Variants in TULP4 observed in about 807,000 individuals in gnomAD.
TULP4 encodes the protein TUB like protein 4, also known as tubby-related protein 4.
Under a neutral mutation model 129.0 loss-of-function variants are expected in TULP4, and 16 were observed. The observed-to-expected ratio is 0.12, with a 90% CI of 0.08 to 0.19. TULP4 has a LOEUF of 0.19. TULP4 is among the 10% of genes least tolerant of loss of function. The pLI is 1.00. For synonymous variants in TULP4, 998 were observed against 854.0 expected (o/e 1.17, Z -2.94); for missense variants, 1,842 against 2,059.1 (o/e 0.89, Z 2.04).
At chr6:158,250,167 T>C (rs1033020187) in intron 1 of TULP4, among the ~76,000 whole-genome samples, 3 of 151,590 alleles carry the variant, frequency 2.0e-5, no homozygotes, top group Non-Finnish European at 4.4e-5. Flanking sequence ...CTTTTTTTTT[T>C]TTTTGTTTTG....
Position 158,502,920 on chromosome 6 carries a change from C to T in TULP4, c.3257C>T (p.Ser1086Leu), listed in dbSNP as rs368742583. Residue 1086 changes from serine (S) to leucine (L), a missense_variant, in exon 13 of 14, where the codon TCG becomes TTG. By Grantham distance (145) the Ser-to-Leu change is moderately radical. This residue lies in a region of TULP4 where 1,089 missense variants were observed against 987.1 expected (regional missense o/e 1.10). Transcript: ENST00000367097. ...SARDRTDYVN[S>L]AFTEDEALSQ... ...CGCGACCGCACCGACTACGTCAACT[C>T]GGCCTTCACGGAGGACGAGGCCCTG... 5.1e-5 allele frequency: 82 copies of T among 1,613,922 alleles called. No homozygotes were observed. The highest frequency in any genetic ancestry group is 6.7e-5 in the East Asian group (3 of 44,874).
Position 158,246,023 on chromosome 6 carries a change from G to GGGTGTGTGT in TULP4, n.68+13721_68+13722insGTGTGTGTG, listed in dbSNP as rs113914160. Among the ~76,000 whole-genome samples, 32 of 145,920 alleles carry GGGTGTGTGT rather than the reference G, an allele frequency of 2.2e-4. 1 individual carries two copies. In the South Asian group the frequency reaches 2.7e-3, roughly 12 times the overall value. On this transcript the variant is annotated intron_variant and non_coding_transcript_variant, in intron 1 of 1. Transcript: ENST00000620026. Reference sequence around the variant, plus strand: ...GTGAGTAATTTGCCTACCCCTTAGGGGTGTGTGTGTGTGTGTGTGTGTGTG... The same window carrying GGGTGTGTGT: ...GTGAGTAATTTGCCTACCCCTTAGGGGGTGTGTGTGTGTGTGTGTGTGTGTGTGTGTGTG...
intron 1 of TULP4, among the ~76,000 whole-genome samples, chr6:158,235,213 C>T (rs1198293231): frequency 7.2e-5 from 11 of 152,084 alleles, no homozygotes; most frequent in African/African-American, 2.4e-4. Flanking sequence ...TTTCAGTGTA[C>T]AGTTCAGTAG....
chr6:158,336,891 A>G (rs908177877), intron 1 of TULP4, among the ~76,000 whole-genome samples: 2 of 152,156 alleles, frequency 1.3e-5, no homozygotes, highest in South Asian at 2.1e-4. Flanking sequence ...TTTGTTTAAG[A>G]TGTTTTCTTC....
intron 1 of TULP4, chr6:158,398,057 A>C (rs1260697343): frequency 6.6e-6 from 1 of 152,186 alleles, no homozygotes; most frequent in East Asian, 1.9e-4. Flanking sequence ...GGAAATTTGA[A>C]AGTAAAAAGG....
chr6:158,369,790 G>A (rs769775326), intron 1 of TULP4, among the ~76,000 whole-genome samples: 4 of 152,156 alleles, frequency 2.6e-5, no homozygotes, highest in Non-Finnish European at 5.9e-5. Flanking sequence ...CCTCTGGGAA[G>A]AGAACTAGGT....
intron 1 of TULP4, among the ~76,000 whole-genome samples, chr6:158,403,780 A>C (rs562969907): frequency 2.0e-5 from 3 of 152,284 alleles, no homozygotes; most frequent in African/African-American, 4.8e-5. Context: ...AGTCACCTAG[A>C]TATCTTGTAG....
intron 6 of TULP4, 131 bp from the exon 7 acceptor site, chr6:158,479,620 C>T: frequency 2.4e-6 from 2 of 817,216 alleles, no homozygotes; most frequent in Non-Finnish European, 1.9e-6. Context: ...CTAACATTCT[C>T]TACTGTGCTT....
chr6:158,409,585 T>A (rs758209934), intron 1 of TULP4, among the ~76,000 whole-genome samples: 4 of 152,130 alleles, frequency 2.6e-5, no homozygotes, highest in African/African-American at 4.8e-5. Flanking sequence ...TTCTGGTGTG[T>A]CCTAACATTG....
intron 1 of TULP4, among the ~76,000 whole-genome samples, chr6:158,298,525 C>T (rs541367653): frequency 2.2e-4 from 33 of 151,970 alleles, no homozygotes; most frequent in Non-Finnish European, 1.0e-4. Flanking sequence ...GTTCGTTCTC[C>T]CAGTTTTGAC....
chr6:158,297,130 G>A (rs142192744), intron 1 of TULP4, among the ~76,000 whole-genome samples: 15 of 152,156 alleles, frequency 9.9e-5, no homozygotes, highest in East Asian at 9.6e-4. Context: ...CAGAGCGGCC[G>A]TTTATAGACC....
Position 158,312,855 on chromosome 6 carries a change from T to G in TULP4, c.-1162T>G, listed in dbSNP as rs4478433. ...AGGAAAGCACCCATCAGCAAAACAC[T>G]ATCACTCTCTAGGGAGACAGCTGGG... On this transcript the variant is annotated 5_prime_UTR_variant, in exon 1 of 14. Coordinates refer to ENST00000367097, the MANE Select transcript of TULP4 (RefSeq NM_020245.5). The G allele has an allele frequency of 0.87, 132,215 of 152,210 alleles. 57,763 individuals carry two copies. The highest frequency in any genetic ancestry group is 0.93 in the South Asian group (4,501 of 4,824). The allele number at this position is 152,210 out of a possible 1,614,324, so 9.4% of individuals were successfully genotyped here.
At chr6:158,469,341 T>G (rs1779621668) in intron 6 of TULP4, among the ~76,000 whole-genome samples, 1 of 151,888 alleles carries the variant, frequency 6.6e-6, no homozygotes, top group African/African-American at 2.4e-5. Flanking sequence ...TGGCATGATC[T>G]TAGCTCACTG....
intron 1 of TULP4, among the ~76,000 whole-genome samples, chr6:158,321,419 G>C (rs1453594955): frequency 6.6e-6 from 1 of 151,918 alleles, no homozygotes; most frequent in Admixed American, 6.6e-5. Context: ...ACCTCTCTCT[G>C]TCTGCCATCT....
chr6:158,493,648 C>G lies in TULP4; in HGVS notation c.1707C>G (p.Pro569=), dbSNP rs372859971. 4 of 1,598,834 alleles carry G rather than the reference C, an allele frequency of 2.5e-6. No individual in the cohort carries two copies. In the African/African-American group the frequency reaches 4.1e-5, roughly 16 times the overall value. Residue 569 remains proline (P), a synonymous_variant, in exon 10 of 14, where the codon CCC becomes CCG. Transcript: ENST00000367097. This position sits in a 1 kb window ranked among gnomAD's most constrained non-coding sequence, Gnocchi z 4.4. ...AGCTCTCCCGGTCCCCACGGTTGCC[C>G]CTGCGCAAGCCCTCTGTGGGCTCGC... is the stretch of plus-strand genomic sequence containing the variant. ...AQELSRSPRL[P]LRKPSVGSPS... is the part of the protein sequence containing the mutation.
At chr6:158,294,923 A>G (rs958880725) in intron 1 of TULP4, among the ~76,000 whole-genome samples, 5 of 151,990 alleles carry the variant, frequency 3.3e-5, no homozygotes, top group African/African-American at 9.7e-5. Flanking sequence ...GGGTTTTGCT[A>G]TGTTGCCCAG....
intron 1 of TULP4, among the ~76,000 whole-genome samples, chr6:158,349,005 CT>C (rs1780399562): frequency 1.5e-5 from 1 of 67,148 alleles, no homozygotes; most frequent in Admixed American, 1.3e-4. Flanking sequence ...GGCAGAGGCG[CT>C]CCTCACTTCC....
intron 1 of TULP4, among the ~76,000 whole-genome samples, chr6:158,384,340 T>G (rs954022659): frequency 2.7e-5 from 4 of 149,406 alleles, no homozygotes; most frequent in African/African-American, 9.9e-5. Flanking sequence ...CAGGCTGGAG[T>G]GCAGTGGCAC....
chr6:158,339,183 G>C (rs904145790), intron 1 of TULP4, among the ~76,000 whole-genome samples: 1 of 152,244 alleles, frequency 6.6e-6, no homozygotes, highest in East Asian at 1.9e-4. Context: ...TCCTGGGGGA[G>C]ACATCACATG....
Sources: allele counts gnomAD v4.1 joint callset (sites outside exome capture counted in the v4.1 genomes callset), GRCh38; gene constraint gnomAD v4.1.1; regional missense constraint gnomAD v4.1.1; non-coding constraint Gnocchi (gnomAD v3.1); transcripts MANE v1.5; gene names NCBI Gene and HGNC (gene_info 2026-07-23, HGNC 2026-07-21).